The following CNTNAP2 variants were observed in gnomAD, a reference collection of about 807,000 sequenced individuals.
CNTNAP2 encodes the protein contactin associated protein 2.
CNTNAP2 carries 98 observed loss-of-function variants against 155.2 expected under a neutral mutation model. That is an observed-to-expected ratio of 0.63 (90% CI 0.54 to 0.75). The LOEUF (loss-of-function observed/expected upper bound fraction) is 0.75. Among genes scored for constraint, CNTNAP2 ranks in the 30% least tolerant of loss-of-function variants. CNTNAP2 has a pLI of 0.00. For missense variants in CNTNAP2, 1,727 were observed against 1,688.1 expected (o/e 1.02, Z -0.40); for synonymous variants, 651 against 631.2 (o/e 1.03, Z -0.47).
At chr7:147,763,057 G>A (rs1006966023) in intron 13 of CNTNAP2, among the ~76,000 whole-genome samples, 13 of 151,914 alleles carry the variant, frequency 8.6e-5, no homozygotes, top group South Asian at 2.1e-4. Context: ...TCGGGAGTTC[G>A]AGACCAGCCT....
chr7:146,434,774 G>T (rs1031980145), intron 1 of CNTNAP2, among the ~76,000 whole-genome samples: 7 of 152,048 alleles, frequency 4.6e-5, no homozygotes, highest in Non-Finnish European at 8.8e-5. Flanking sequence ...ATATTTCTTT[G>T]TAGTAAATTA....
intron 1 of CNTNAP2, among the ~76,000 whole-genome samples, chr7:146,666,984 G>C (rs1267752627): frequency 6.6e-6 from 1 of 151,964 alleles, no homozygotes; most frequent in Non-Finnish European, 1.5e-5. Context: ...TTTTTAGTTT[G>C]ATATGATACC....
At chr7:147,495,128 A>C (rs1390994101) in intron 11 of CNTNAP2, among the ~76,000 whole-genome samples, 1 of 152,190 alleles carries the variant, frequency 6.6e-6, no homozygotes, top group Admixed American at 6.5e-5. Context: ...AGAAGGTAAC[A>C]TGTATTTATG....
intron 22 of CNTNAP2, among the ~76,000 whole-genome samples, chr7:148,390,416 A>C (rs1019183795): frequency 1.3e-5 from 2 of 152,194 alleles, no homozygotes; most frequent in African/African-American, 2.4e-5. Context: ...ACCTACTCTG[A>C]AAGATAGAAA....
At chr7:147,713,152 T>G (rs146274435) in intron 13 of CNTNAP2, among the ~76,000 whole-genome samples, 209 of 152,220 alleles carry the variant, frequency 1.4e-3, no homozygotes, top group South Asian at 1.9e-3. Context: ...GCATCCCATT[T>G]TTTTCTTTTG....
At chr7:146,677,844 A>T (rs1194417221) in intron 1 of CNTNAP2, among the ~76,000 whole-genome samples, 1 of 152,074 alleles carries the variant, frequency 6.6e-6, no homozygotes, top group Non-Finnish European at 1.5e-5. Flanking sequence ...TCAGGAACAA[A>T]ATGAATTGAA....
intron 14 of CNTNAP2, among the ~76,000 whole-genome samples, chr7:147,959,478 A>G (rs898806093): frequency 6.6e-5 from 10 of 152,156 alleles, no homozygotes; most frequent in African/African-American, 2.2e-4. Flanking sequence ...ATGGTAGGGT[A>G]GAAGAAAACA....
intron 1 of CNTNAP2, among the ~76,000 whole-genome samples, chr7:146,254,397 T>A (rs1043632206): frequency 6.6e-6 from 1 of 152,236 alleles, no homozygotes; most frequent in Non-Finnish European, 1.5e-5. Flanking sequence ...ACATGCCATA[T>A]TTAAATGTCG....
chr7:147,037,859 G>A (rs2129252723), intron 3 of CNTNAP2, among the ~76,000 whole-genome samples: 1 of 152,186 alleles, frequency 6.6e-6, no homozygotes, highest in Non-Finnish European at 1.5e-5. Context: ...ATCAAATACT[G>A]ATATTTATGG....
intron 3 of CNTNAP2, among the ~76,000 whole-genome samples, chr7:146,890,128 C>T (rs538275029): frequency 6.6e-6 from 1 of 152,122 alleles, no homozygotes; most frequent in African/African-American, 2.4e-5. Flanking sequence ...GATGAAAATG[C>T]CACCTGTGTC....
chr7:147,002,108 T>C (rs1798435960), intron 3 of CNTNAP2, among the ~76,000 whole-genome samples: 1 of 152,008 alleles, frequency 6.6e-6, no homozygotes, highest in African/African-American at 2.4e-5. Flanking sequence ...ATAACAAATA[T>C]TAAAATAATG....
chr7:147,042,482 C>T (rs1208546574), intron 3 of CNTNAP2, among the ~76,000 whole-genome samples: 1 of 152,200 alleles, frequency 6.6e-6, no homozygotes, highest in Non-Finnish European at 1.5e-5. Flanking sequence ...CTACTACAAA[C>T]TTGCATTTGT....
At chr7:146,693,336 C>T (rs1293906541) in intron 1 of CNTNAP2, among the ~76,000 whole-genome samples, 1 of 151,252 alleles carries the variant, frequency 6.6e-6, no homozygotes. Flanking sequence ...ACATTATGTA[C>T]CAAAAAAAAA....
intron 1 of CNTNAP2, among the ~76,000 whole-genome samples, chr7:146,245,163 A>G (rs1343774952): frequency 6.6e-6 from 1 of 152,118 alleles, no homozygotes; most frequent in East Asian, 1.9e-4. Context: ...AGGGTGAGGA[A>G]CAGGAAAGAA....
intron 3 of CNTNAP2, among the ~76,000 whole-genome samples, chr7:146,977,208 A>G (rs1797929779): frequency 6.6e-6 from 1 of 152,232 alleles, no homozygotes; most frequent in Admixed American, 6.5e-5. Flanking sequence ...ACTTGCAGAG[A>G]GAAATGAGTG....
At position 146,970,392 on chromosome 7, in the gene CNTNAP2, T is replaced by C. The variant is rs1243616441; in HGVS notation, c.403-73515T>C. Among the ~76,000 whole-genome samples the C allele has an allele frequency of 2.6e-5, 4 of 151,896 alleles. No homozygotes were observed. The South Asian group carries it at 6.2e-4, about 24-fold the overall frequency. ...AAAAACAAACAACCCCATCAAAAAG[T>C]GGGCAAAGGACATGAACAGACACTT... On this transcript the variant is annotated intron_variant, in intron 3 of 23. Coordinates refer to ENST00000361727, the MANE Select transcript of CNTNAP2 (RefSeq NM_014141.6).
intron 3 of CNTNAP2, among the ~76,000 whole-genome samples, chr7:146,886,275 T>TAAA (rs776073033): frequency 1.7e-4 from 24 of 142,200 alleles, no homozygotes; most frequent in East Asian, 6.1e-4. Flanking sequence ...TCAGTTTTCT[T>TAAA]AAAAAAAAAA....
intron 18 of CNTNAP2, among the ~76,000 whole-genome samples, chr7:148,176,219 T>G (rs1460968960): frequency 2.1e-5 from 1 of 47,390 alleles, no homozygotes; most frequent in Non-Finnish European, 5.0e-5. Context: ...CTCTTTTTTT[T>G]TTTTTTTTTT....
intron 2 of CNTNAP2, chr7:146,782,192 C>T (rs907727409): frequency 6.6e-6 from 1 of 152,174 alleles, no homozygotes; most frequent in Non-Finnish European, 1.5e-5. Context: ...AAAATTTTCT[C>T]CTTTTCTCAC....
Sources: allele counts gnomAD v4.1 joint callset (sites outside exome capture counted in the v4.1 genomes callset), GRCh38; gene constraint gnomAD v4.1.1; transcripts MANE v1.5; gene names NCBI Gene and HGNC (gene_info 2026-07-23, HGNC 2026-07-21).